EEF2KMT: variants seen among roughly 807,000 people sequenced by gnomAD.
The protein encoded by EEF2KMT is protein-lysine N-methyltransferase EEF2KMT.
A neutral mutation model predicts 35.1 loss-of-function variants in EEF2KMT; 30 were observed. The observed-to-expected ratio is 0.85, with a 90% confidence interval of 0.64 to 1.16. The LOEUF is 1.16. EEF2KMT is among the 50% of genes most tolerant of loss of function. The pLI is 0.00. For synonymous variants in EEF2KMT, 190 were observed against 187.7 expected (o/e 1.01, Z -0.10); for missense variants, 499 against 438.2 (o/e 1.14, Z -1.24).
intron 6 of EEF2KMT, chr16:5,089,482 T>C: frequency 4.6e-6 from 3 of 648,740 alleles, no homozygotes; most frequent in Non-Finnish European, 5.2e-6. Flanking sequence ...ATCTCCAGAC[T>C]CACTGGTGTT....
intron 7 of EEF2KMT, among the ~76,000 whole-genome samples, chr16:5,088,896 C>G (rs566923432): frequency 6.6e-6 from 1 of 152,188 alleles, no homozygotes; most frequent in South Asian, 2.1e-4. Context: ...GGCTCAGACC[C>G]TCCCTCCCTG....
Position 5,084,604 on chromosome 16 carries a change from G to A in EEF2KMT, c.*1028C>T, listed in dbSNP as rs879083736. The A allele has an allele frequency of 2.4e-4, 297 of 1,250,496 alleles. No individual in the cohort carries two copies. The highest frequency in any genetic ancestry group is 2.9e-4 in the Non-Finnish European group (256 of 885,452). The allele number at this position is 1,250,496 out of a possible 1,614,324, so 77.5% of individuals were successfully genotyped here. On this transcript the variant is annotated 3_prime_UTR_variant, in exon 8 of 8. Transcript: ENST00000427587. ...AAGTTGGAGGCGGAGTGCTGCTGGG[G>A]TGTGAAGGGTCTCGAGTCCAAGTGA...
intron 1 of EEF2KMT, among the ~76,000 whole-genome samples, chr16:5,095,786 G>A (rs1957447729): frequency 7.0e-6 from 1 of 142,808 alleles, no homozygotes; most frequent in Admixed American, 7.2e-5. Context: ...GCACTGCTCA[G>A]CCAGGAATTA....
chr16:5,095,558 G>A, intron 1 of EEF2KMT, 44 bp from the exon 2 acceptor site: 1 of 1,609,986 alleles, frequency 6.2e-7, no homozygotes, highest in Non-Finnish European at 8.5e-7. Flanking sequence ...CGCATTCACA[G>A]GAACATTAAA....
At chr16:5,088,142 A>T (rs543295967) in intron 7 of EEF2KMT, among the ~76,000 whole-genome samples, 6 of 152,044 alleles carry the variant, frequency 3.9e-5, no homozygotes, top group African/African-American at 1.4e-4. Context: ...GGGTCCCACT[A>T]TGTGGCCCAG....
At chr16:5,087,388 A>T (rs564091453) in intron 7 of EEF2KMT, 1 of 152,326 alleles carries the variant, frequency 6.6e-6, no homozygotes, top group East Asian at 1.9e-4. Context: ...AAGTCTCGCT[A>T]TGTTGCTCAA....
At chr16:5,089,022 C>T in intron 7 of EEF2KMT, 85 bp downstream of exon 7, 7 of 1,603,462 alleles carry the variant, frequency 4.4e-6, no homozygotes, top group Non-Finnish European at 5.9e-6. Flanking sequence ...TAGCTTTTCC[C>T]CGGCACCCAG....
intron 2 of EEF2KMT, among the ~76,000 whole-genome samples, chr16:5,095,115 A>G (rs1957427338): frequency 6.6e-6 from 1 of 152,216 alleles, no homozygotes; most frequent in Non-Finnish European, 1.5e-5. Context: ...TGAAAGCAAA[A>G]AAGAAAGTCT....
In EEF2KMT at chr16:5,090,099, C is replaced by T. The variant is rs753523355; in HGVS notation, c.727G>A (p.Val243Ile). ...VHQLSAFQPD[V>I]VIAADVLYCP... ...TGGGCATTACCTGCTGCAATGACAACATCTGGCTGGAAGGCAGAGAGCTGA... is the reference window on the plus strand; with the variant it reads ...TGGGCATTACCTGCTGCAATGACAATATCTGGCTGGAAGGCAGAGAGCTGA... Residue 243 changes from valine to isoleucine, a missense_variant, in exon 6 of 8, where the codon GTT becomes ATT. Transcript: ENST00000427587. This position sits in a 1 kb window ranked among gnomAD's most constrained non-coding sequence, Gnocchi z 4.1. The T allele has an allele frequency of 4.4e-6, 7 of 1,606,258 alleles. No homozygotes were observed. Among genetic ancestry groups the T allele is most frequent in the Middle Eastern group, 2.3e-4 (1 of 4,430 alleles).
chr16:5,095,431 C>G (rs1438456691), intron 2 of EEF2KMT, 21 bp downstream of exon 2: 7 of 1,611,366 alleles, frequency 4.3e-6, no homozygotes, highest in Non-Finnish European at 5.9e-6. Flanking sequence ...TCATGAGTCC[C>G]AGGGACTCTG....
At position 5,090,424 on chromosome 16, in the gene EEF2KMT, G is replaced by A. The variant is rs1957317737; in HGVS notation, c.476+8C>T. On this transcript the variant is annotated splice_region_variant and intron_variant, in intron 5 of 7. Coordinates refer to ENST00000427587, the MANE Select transcript of EEF2KMT (RefSeq NM_201400.4). This position sits in a 1 kb window ranked among gnomAD's most constrained non-coding sequence, Gnocchi z 4.1. ...GCCTCGGTGCCCTGCCCTGCGCCCC[G>A]AGGTCACCTGTTAGTGAAGACTGCC... 1.9e-6 allele frequency: 3 copies of A among 1,611,974 alleles called. No homozygotes were observed. The highest frequency in any genetic ancestry group is 2.5e-6 in the Non-Finnish European group (3 of 1,179,860).
chr16:5,088,334 G>GC (rs1434279945), intron 7 of EEF2KMT, among the ~76,000 whole-genome samples: 1 of 152,196 alleles, frequency 6.6e-6, no homozygotes, highest in East Asian at 1.9e-4. Context: ...TTAACGGGCT[G>GC]CCCCACGTGG....
Position 5,095,510 on chromosome 16 carries a change from A to G in EEF2KMT, c.101T>C (p.Leu34Ser), listed in dbSNP as rs1253250942. 1.2e-6 allele frequency: 2 copies of G among 1,611,470 alleles called. No homozygotes were observed. The highest frequency in any genetic ancestry group is 1.3e-5 in the African/African-American group (1 of 74,830). ...TGATGAGTCTCTTAACTTTGCTTCTAAGCTCTGTGTGGAGGGGAAAGAGAG... is the reference window on the plus strand; with the variant it reads ...TGATGAGTCTCTTAACTTTGCTTCTGAGCTCTGTGTGGAGGGGAAAGAGAG... ...RTLRSFPWQS[L>S]EAKLRDSSDS... The change falls in exon 2 of 8, where the codon TTA becomes TCA. Residue 34 changes from leucine to serine, a missense_variant. Leu to Ser is a moderately radical substitution (Grantham distance 145). Coordinates refer to ENST00000427587, the MANE Select transcript of EEF2KMT (RefSeq NM_201400.4).
rs758803040 is a variant in EEF2KMT, at chr16:5,090,158, A to G, written c.668T>C (p.Val223Ala). The G allele has an allele frequency of 1.2e-6, 2 of 1,611,420 alleles. No homozygotes were observed. Among genetic ancestry groups the G allele is most frequent in the Non-Finnish European group, 1.7e-6 (2 of 1,179,856 alleles). The change falls in exon 6 of 8, where the codon GTG becomes GCG. Residue 223 changes from valine (V) to alanine (A), a missense_variant. Val to Ala is a moderately conservative substitution (Grantham distance 64). Transcript: ENST00000427587. The surrounding 1 kb of genome is among the most constrained non-coding windows in gnomAD (Gnocchi z 4.1). ...TAKLDSPRVT[V>A]AQLDWDVATV... ...CGCGACGTCCCAGTCCAGCTGGGCC[A>G]CTGTCACCCTGGGGCTGTCTAACTT...
chr16:5,096,472 TA>T (rs1957468201), intron 1 of EEF2KMT, among the ~76,000 whole-genome samples: 1 of 152,218 alleles, frequency 6.6e-6, no homozygotes, highest in African/African-American at 2.4e-5. Context: ...AAACACTAGC[TA>T]ACACCAACAT....
At chr16:5,095,880 T>C (rs529762914) in intron 1 of EEF2KMT, among the ~76,000 whole-genome samples, 2 of 126,602 alleles carry the variant, frequency 1.6e-5, no homozygotes, top group South Asian at 3.2e-4. Flanking sequence ...CTGAGTTACA[T>C]TATCCTCTTA....
rs778089251 is a variant in EEF2KMT, at chr16:5,097,571, C to G, written c.96+73G>C. On this transcript the variant is annotated intron_variant, in intron 1 of 7. Coordinates refer to ENST00000427587, the MANE Select transcript of EEF2KMT (RefSeq NM_201400.4). ...GTGGCGGGAGCGCCAGGGGCTTCAG[C>G]ACGGAGACCCGTCCCGTCTGCCCCT... 15 of 1,525,616 alleles carry G rather than the reference C, an allele frequency of 9.8e-6. No homozygotes were observed. In the East Asian group the frequency reaches 3.7e-4, roughly 38 times the overall value. The allele number at this position is 1,525,616 out of a possible 1,614,324, so 94.5% of individuals were successfully genotyped here. A position where few individuals can be genotyped will look rare whatever the true frequency, so the allele number is the denominator to read the frequency against.
In EEF2KMT at chr16:5,085,674, G is replaced by A. The variant is rs756217732; in HGVS notation, c.951C>T (p.Tyr317=). ...EPRHEQKLFP[Y]EEHLEMAMLN... is the part of the protein sequence containing the mutation. ...GCATTGCCATCTCCAAGTGCTCTTC[G>A]TAGGGAAACAGTTTCTGCTCATGAC... The change falls in exon 8 of 8, where the codon TAC becomes TAT. Residue 317 remains tyrosine (Y), a synonymous_variant. Transcript: ENST00000427587. 50 of 1,611,742 alleles carry A rather than the reference G, an allele frequency of 3.1e-5. No individual in the cohort carries two copies. The highest frequency in any genetic ancestry group is 2.1e-4 in the South Asian group (19 of 90,998).
chr16:5,087,936 T>A (rs936743338), intron 7 of EEF2KMT, among the ~76,000 whole-genome samples: 3 of 80,442 alleles, frequency 3.7e-5, no homozygotes, highest in Non-Finnish European at 6.8e-5. Context: ...TTTTTTTTTT[T>A]ATTTTTTATT....
Sources: allele counts gnomAD v4.1 joint callset (sites outside exome capture counted in the v4.1 genomes callset), GRCh38; gene constraint gnomAD v4.1.1; non-coding constraint Gnocchi (gnomAD v3.1); transcripts MANE v1.5; gene names NCBI Gene and HGNC (gene_info 2026-07-23, HGNC 2026-07-21).